The following SSR3 variants were observed in gnomAD, a reference collection of about 807,000 sequenced individuals.
SSR3 encodes signal sequence receptor subunit 3.
A neutral mutation model predicts 22.1 loss-of-function variants in SSR3; 10 were observed. The ratio of observed to expected loss-of-function variants is 0.45; its 90% confidence interval spans 0.28 to 0.77. The LOEUF (loss-of-function observed/expected upper bound fraction) is 0.77, where lower values mean the gene tolerates loss of function less well. Among genes scored for constraint, SSR3 ranks in the 30% least tolerant of loss-of-function variants. SSR3 has a pLI of 0.13. For synonymous variants in SSR3, 104 were observed against 82.5 expected (o/e 1.26, Z -1.42); for missense variants, 181 against 220.5 (o/e 0.82, Z 1.13).
chr3:156,544,223 C>T, intron 4 of SSR3, 85 bp downstream of exon 4: 1 of 1,306,258 alleles, frequency 7.7e-7, no homozygotes, highest in South Asian at 2.2e-5. Context: ...TTTTTCTTTC[C>T]ACTAAAATAT....
intron 1 of SSR3, 186 bp from the exon 2 acceptor site, chr3:156,553,967 A>C (rs1225924317): frequency 6.5e-6 from 3 of 464,148 alleles, no homozygotes; most frequent in South Asian, 1.2e-4. Context: ...CAAGCTTTCC[A>C]GTTCAGAACA....
rs1419381081 is a variant in SSR3, at chr3:156,540,313, A to C, written c.*2890T>G. The C allele has an allele frequency of 6.6e-6, 1 of 152,232 alleles. No individual in the cohort carries two copies. The highest frequency in any genetic ancestry group is 1.5e-5 in the Non-Finnish European group (1 of 68,052). 9.4% of individuals were successfully genotyped at this position (152,232 alleles called of 1,614,324 possible). On this transcript the variant is annotated 3_prime_UTR_variant, in exon 5 of 5. Transcript: ENST00000265044. ...ACCAGTAAACTTTTATTGCTTAAGA[A>C]TATCAATCTAGGCCGGGCGCGGTGG...
intron 2 of SSR3, chr3:156,551,332 A>G (rs936141650): frequency 6.6e-6 from 1 of 152,222 alleles, no homozygotes; most frequent in Non-Finnish European, 1.5e-5. Context: ...GTTATGAAGA[A>G]TAAGTAAAGA....
chr3:156,544,121 C>A, intron 4 of SSR3, 187 bp downstream of exon 4: 1 of 458,568 alleles, frequency 2.2e-6, no homozygotes, highest in Non-Finnish European at 3.7e-6. Context: ...AATTCATAAA[C>A]TTAAAAGAAT....
At chr3:156,548,494 A>T (rs1220840413) in intron 3 of SSR3, among the ~76,000 whole-genome samples, 2 of 152,230 alleles carry the variant, frequency 1.3e-5, no homozygotes, top group Non-Finnish European at 2.9e-5. Context: ...CCTGCTCTGT[A>T]CAAAGCTCTG....
rs750060306 is a variant in SSR3, at chr3:156,543,273, TAAG to T, written c.492-7_492-5del. The T allele has an allele frequency of 1.9e-6, 3 of 1,612,304 alleles. No individual in the cohort carries two copies. The South Asian group carries it at 3.3e-5, about 18-fold the overall frequency. On this transcript the variant is annotated splice_region_variant and splice_polypyrimidine_tract_variant and intron_variant, in intron 4 of 4. Transcript: ENST00000265044. ...ACTTATGGACAATATGTAGTTCCTG[TAAG>T]AAATTTAATGTTATGGAAAAATGAG...
At chr3:156,547,726 T>TTG (rs534242795) in intron 3 of SSR3, among the ~76,000 whole-genome samples, 2 of 152,346 alleles carry the variant, frequency 1.3e-5, no homozygotes, top group East Asian at 3.9e-4. Context: ...GTTCATTAAG[T>TTG]TACTCAGTGT....
chr3:156,548,447 G>T (rs1051314045), intron 3 of SSR3, among the ~76,000 whole-genome samples: 2 of 152,158 alleles, frequency 1.3e-5, no homozygotes, highest in African/African-American at 4.8e-5. Context: ...GGGGTTAGGC[G>T]ATATGTTCAA....
chr3:156,548,351 A>C (rs1185144247), intron 3 of SSR3, among the ~76,000 whole-genome samples: 1 of 152,164 alleles, frequency 6.6e-6, no homozygotes, highest in African/African-American at 2.4e-5. Context: ...AATACAGATA[A>C]CTAATTATGG....
intron 3 of SSR3, among the ~76,000 whole-genome samples, chr3:156,546,583 GT>G (rs1719770953): frequency 6.6e-6 from 1 of 151,502 alleles, no homozygotes; most frequent in African/African-American, 2.4e-5. Context: ...CCCATATCCT[GT>G]TTTTGTTTCT....
At chr3:156,553,807 G>C (rs1327526517) in intron 1 of SSR3, 26 bp from the exon 2 acceptor site, 1 of 1,571,826 alleles carries the variant, frequency 6.4e-7, no homozygotes, top group Admixed American at 2.0e-5. Flanking sequence ...AGGGGGAAGG[G>C]TACAAAAAGA....
At chr3:156,553,231 C>T (rs757641591) in intron 2 of SSR3, among the ~76,000 whole-genome samples, 1 of 151,926 alleles carries the variant, frequency 6.6e-6, no homozygotes, top group Non-Finnish European at 1.5e-5. Flanking sequence ...GCACTGCAGA[C>T]TGGGCAAGAA....
Position 156,549,582 on chromosome 3 carries a change from TG to T in SSR3, c.261-580del, listed in dbSNP as rs10712970. Among the ~76,000 whole-genome samples, 966 of 152,310 alleles carry T rather than the reference TG, an allele frequency of 6.3e-3. 12 individuals are homozygous for T. Among genetic ancestry groups the T allele is most frequent in the African/African-American group, 0.022 (914 of 41,562 alleles). On this transcript the variant is annotated intron_variant, in intron 2 of 4. Coordinates refer to ENST00000265044, the MANE Select transcript of SSR3 (RefSeq NM_007107.5). ...CAATCTTGATCTTCAACTACAAGGG[TG>T]TCTGGGATACAAGTTAAGCACAAAT...
Position 156,546,500 on chromosome 3 carries a change from T to C in SSR3, c.360-2061A>G, listed in dbSNP as rs73027894. 1.6e-3 allele frequency among the ~76,000 whole-genome samples: 249 copies of C among 152,348 alleles called. 2 individuals carry two copies. The highest frequency in any genetic ancestry group is 5.7e-3 in the African/African-American group (238 of 41,586). On this transcript the variant is annotated intron_variant, in intron 3 of 4. Transcript: ENST00000265044. ...CTTTAGATTTCCCTAGATCCCAATATGACCACGTGTTAGTTACATCAGTGT... is the reference window on the plus strand; with the variant it reads ...CTTTAGATTTCCCTAGATCCCAATACGACCACGTGTTAGTTACATCAGTGT...
At position 156,544,451 on chromosome 3, in the gene SSR3, G is replaced by A; in HGVS notation, c.360-12C>T. 3 of 1,528,152 alleles carry A rather than the reference G, an allele frequency of 2.0e-6. No individual in the cohort carries two copies. The highest frequency in any genetic ancestry group is 1.3e-5 in the South Asian group (1 of 74,982). 94.7% of individuals were successfully genotyped at this position (1,528,152 alleles called of 1,614,324 possible). A position where few individuals can be genotyped will look rare whatever the true frequency, so the allele number is the denominator to read the frequency against. ...TCTTCCACAAGATTCTACAGACACA[G>A]AAACAAGTCAAACAAGCTTATAAAT... On this transcript the variant is annotated splice_polypyrimidine_tract_variant and intron_variant, in intron 3 of 4. Coordinates refer to ENST00000265044, the MANE Select transcript of SSR3 (RefSeq NM_007107.5).
chr3:156,547,612 C>T (rs1719810041), intron 3 of SSR3, among the ~76,000 whole-genome samples: 1 of 152,184 alleles, frequency 6.6e-6, no homozygotes, highest in African/African-American at 2.4e-5. Flanking sequence ...GCAGAAAGGC[C>T]TCCATTGTCA....
Position 156,553,745 on chromosome 3 carries a change from TGA to T in SSR3, c.168_169del (p.Gln57ValfsTer6). 6.2e-7 allele frequency: 1 copy of T among 1,612,908 alleles called. No homozygotes were observed. The highest frequency in any genetic ancestry group is 8.5e-7 in the Non-Finnish European group (1 of 1,179,614). Reference sequence around the variant, plus strand: ...CATCACACTATACAAAACAGCAGACTGAATAAGATCCATATGCCATATTCGCC... The same window carrying T: ...CATCACACTATACAAAACAGCAGACTATAAGATCCATATGCCATATTCGCC... On this transcript the variant is annotated frameshift_variant, in exon 2 of 5. Coordinates refer to ENST00000265044, the MANE Select transcript of SSR3 (RefSeq NM_007107.5). LOFTEE classifies it high-confidence loss of function.
intron 3 of SSR3, among the ~76,000 whole-genome samples, chr3:156,547,656 T>C (rs779897231): frequency 1.4e-4 from 22 of 152,192 alleles, no homozygotes; most frequent in Admixed American, 3.9e-4. Context: ...AAAGGAGCCA[T>C]AGAAGATAAT....
At chr3:156,548,331 T>A (rs776636344) in intron 3 of SSR3, among the ~76,000 whole-genome samples, 1 of 152,188 alleles carries the variant, frequency 6.6e-6, no homozygotes, top group Non-Finnish European at 1.5e-5. Flanking sequence ...TTATTTTCTT[T>A]TTCCCAACCA....
Sources: allele counts gnomAD v4.1 joint callset (sites outside exome capture counted in the v4.1 genomes callset), GRCh38; gene constraint gnomAD v4.1.1; transcripts MANE v1.5; gene names NCBI Gene and HGNC (gene_info 2026-07-23, HGNC 2026-07-21).